ZNF148: variants seen among roughly 807,000 people sequenced by gnomAD.
The protein encoded by ZNF148 is zinc finger protein 148.
Under a neutral mutation model 67.7 loss-of-function variants are expected in ZNF148, and 7 were observed. The observed-to-expected ratio is 0.10, with a 90% CI of 0.06 to 0.19. The LOEUF (loss-of-function observed/expected upper bound fraction) is 0.19, where lower values mean the gene tolerates loss of function less well. ZNF148 is among the 10% of genes least tolerant of loss of function. The pLI is 1.00. For synonymous variants in ZNF148, 333 were observed against 330.7 expected, an observed-to-expected ratio of 1.01 and a Z score of -0.08; for missense variants, 583 against 947.1, an observed-to-expected ratio of 0.62 and a Z score of 5.05.
intron 1 of ZNF148, among the ~76,000 whole-genome samples, chr3:125,336,795 G>C (rs1344324556): frequency 6.8e-6 from 1 of 147,134 alleles, no homozygotes; most frequent in African/African-American, 2.5e-5. Flanking sequence ...CCCTGCCTCA[G>C]CCTCCCACAT....
At chr3:125,292,974 A>C (rs936649416) in intron 4 of ZNF148, among the ~76,000 whole-genome samples, 4 of 152,240 alleles carry the variant, frequency 2.6e-5, no homozygotes, top group African/African-American at 9.6e-5. Context: ...AGATATCAAA[A>C]AAATGTAAAA....
chr3:125,292,147 G>A (rs1382680248), intron 4 of ZNF148, among the ~76,000 whole-genome samples: 1 of 152,128 alleles, frequency 6.6e-6, no homozygotes. Flanking sequence ...AGCTCACAAA[G>A]TCACAGAACA....
chr3:125,350,018 G>A (rs1039114132), intron 1 of ZNF148, among the ~76,000 whole-genome samples: 1 of 152,144 alleles, frequency 6.6e-6, no homozygotes, highest in Non-Finnish European at 1.5e-5. Flanking sequence ...TAAACCCTGT[G>A]TACTGTTCAT....
At chr3:125,342,303 TTCACTC>T (rs1941761148) in intron 1 of ZNF148, among the ~76,000 whole-genome samples, 1 of 151,210 alleles carries the variant, frequency 6.6e-6, no homozygotes, top group Non-Finnish European at 1.5e-5. Flanking sequence ...CCTAACGAAA[TTCACTC>T]TAACATCATA....
chr3:125,349,179 T>C (rs1207312607), intron 1 of ZNF148, among the ~76,000 whole-genome samples: 1 of 152,196 alleles, frequency 6.6e-6, no homozygotes, highest in Non-Finnish European at 1.5e-5. Flanking sequence ...CCATGATTTC[T>C]AGGATTTGAC....
Position 125,323,296 on chromosome 3 carries a change from GTA to G in ZNF148, c.-17+11_-17+12del. Reference sequence around the variant, plus strand: ...ATTTATTCAAGATTATGAAAAATAAGTATTAAAATTACCCGAGACTAAGGTAA... The same window carrying G: ...ATTTATTCAAGATTATGAAAAATAAGTTAAAATTACCCGAGACTAAGGTAA... On this transcript the variant is annotated intron_variant, in intron 3 of 8. Transcript: ENST00000360647. 1.7e-6 allele frequency: 1 copy of G among 602,262 alleles called. No individual in the cohort carries two copies. Among genetic ancestry groups the G allele is most frequent in the East Asian group, 2.9e-5 (1 of 34,868 alleles). 37.3% of individuals were successfully genotyped at this position (602,262 alleles called of 1,614,324 possible).
intron 1 of ZNF148, among the ~76,000 whole-genome samples, chr3:125,364,315 C>G (rs1942636454): frequency 6.6e-6 from 1 of 152,106 alleles, no homozygotes; most frequent in Non-Finnish European, 1.5e-5. Context: ...AGGAGAATAG[C>G]TTGAACCCAG....
At chr3:125,337,182 C>G (rs187630511) in intron 1 of ZNF148, among the ~76,000 whole-genome samples, 1 of 152,030 alleles carries the variant, frequency 6.6e-6, no homozygotes, top group African/African-American at 2.4e-5. Context: ...TTTCACCTAC[C>G]CTTGACCTTT....
chr3:125,272,270 A>G (rs1048936093), intron 7 of ZNF148, among the ~76,000 whole-genome samples: 2 of 152,262 alleles, frequency 1.3e-5, no homozygotes, highest in Non-Finnish European at 2.9e-5. Context: ...TGTGAGTCAC[A>G]TGATTCACAT....
rs147104785 is a variant in ZNF148, at chr3:125,328,042, T to A, written c.-153+3116A>T. On this transcript the variant is annotated intron_variant, in intron 2 of 8. Coordinates refer to ENST00000360647, the MANE Select transcript of ZNF148 (RefSeq NM_021964.3). Reference sequence around the variant, plus strand: ...TTATGAATGTATACCTATTCTTCCATCATGAGTCCCAATACCTATTATTTA... The same window carrying A: ...TTATGAATGTATACCTATTCTTCCAACATGAGTCCCAATACCTATTATTTA... Among the ~76,000 whole-genome samples, 1,400 of 152,076 alleles carry A rather than the reference T, an allele frequency of 9.2e-3. 26 individuals carry two copies. Among genetic ancestry groups the A allele is most frequent in the African/African-American group, 0.03 (1,229 of 41,530 alleles).
intron 4 of ZNF148, among the ~76,000 whole-genome samples, chr3:125,289,004 T>C (rs1938862208): frequency 6.6e-6 from 1 of 152,200 alleles, no homozygotes; most frequent in African/African-American, 2.4e-5. Context: ...ACCAAGGTTC[T>C]AAGATCACTA....
At chr3:125,364,165 G>A (rs988573370) in intron 1 of ZNF148, among the ~76,000 whole-genome samples, 6 of 152,262 alleles carry the variant, frequency 3.9e-5, no homozygotes, top group East Asian at 1.9e-4. Context: ...CTGGGAGACC[G>A]AGGTGGGCAG....
chr3:125,358,324 A>AG (rs1192932375), intron 1 of ZNF148, among the ~76,000 whole-genome samples: 1 of 152,188 alleles, frequency 6.6e-6, no homozygotes, highest in African/African-American at 2.4e-5. Flanking sequence ...AAAAAGAAAA[A>AG]GAAAAAAAAA....
intron 1 of ZNF148, among the ~76,000 whole-genome samples, chr3:125,349,752 G>T (rs1050437617): frequency 2.6e-5 from 4 of 152,162 alleles, no homozygotes; most frequent in African/African-American, 9.7e-5. Flanking sequence ...GAGGCAGGAG[G>T]ATCACTTGAG....
At chr3:125,257,741 A>C (rs1937151729) in intron 7 of ZNF148, among the ~76,000 whole-genome samples, 1 of 151,988 alleles carries the variant, frequency 6.6e-6, no homozygotes, top group Non-Finnish European at 1.5e-5. Flanking sequence ...TTTAATAAAA[A>C]CTGCTTCCGG....
chr3:125,271,053 ATAT>A (rs1937705520), intron 7 of ZNF148, among the ~76,000 whole-genome samples: 2 of 152,198 alleles, frequency 1.3e-5, no homozygotes, highest in African/African-American at 4.8e-5. Context: ...AAAATATTAA[ATAT>A]TATACAATTT....
In ZNF148 at chr3:125,344,476, T is replaced by C. The variant is rs1941862214; in HGVS notation, c.-233-13238A>G. The C allele has an allele frequency of 4.5e-6, 5 of 1,105,994 alleles. No individual in the cohort carries two copies. The South Asian group carries it at 4.9e-5, about 11-fold the overall frequency. 68.5% of individuals were successfully genotyped at this position (1,105,994 alleles called of 1,614,324 possible). A position where few individuals can be genotyped will look rare whatever the true frequency, so the allele number is the denominator to read the frequency against. On this transcript the variant is annotated intron_variant, in intron 1 of 8. Coordinates refer to ENST00000360647, the MANE Select transcript of ZNF148 (RefSeq NM_021964.3). ...AAGAAGTCAAATAAAAATGGGTCCCTTCCACCAAAAAAATTCCCTGAAGAC... is the reference window on the plus strand; with the variant it reads ...AAGAAGTCAAATAAAAATGGGTCCCCTCCACCAAAAAAATTCCCTGAAGAC...
intron 4 of ZNF148, among the ~76,000 whole-genome samples, chr3:125,305,910 T>C (rs763561956): frequency 3.0e-4 from 45 of 151,898 alleles, no homozygotes; most frequent in Non-Finnish European, 5.1e-4. Flanking sequence ...CAAGTACACA[T>C]AGAACACTCA....
rs1935758997 is a variant in ZNF148, at chr3:125,229,327, C to T, written c.*3014G>A. 6.6e-6 allele frequency: 1 copy of T among 151,822 alleles called. No homozygotes were observed. The highest frequency in any genetic ancestry group is 2.4e-5 in the African/African-American group (1 of 41,310). The allele number at this position is 151,822 out of a possible 1,614,324, so 9.4% of individuals were successfully genotyped here. Reference sequence around the variant, plus strand: ...CTCCTCTGTGGAAACGAAATCCTGCCCTGAGCACAATTCTTGACATAACTG... The same window carrying T: ...CTCCTCTGTGGAAACGAAATCCTGCTCTGAGCACAATTCTTGACATAACTG... On this transcript the variant is annotated 3_prime_UTR_variant, in exon 9 of 9. Coordinates refer to ENST00000360647, the MANE Select transcript of ZNF148 (RefSeq NM_021964.3).
Sources: gnomAD v4.1 joint callset for allele counts (sites outside exome capture counted in the v4.1 genomes callset) on GRCh38, gnomAD v4.1.1 for gene constraint, MANE v1.5 for transcripts, NCBI Gene and HGNC (gene_info 2026-07-23, HGNC 2026-07-21) for gene names.